Variants in PTPRD observed in about 807,000 individuals in gnomAD.
The protein encoded by PTPRD is receptor-type tyrosine-protein phosphatase delta.
In PTPRD, 34 loss-of-function variants were observed where a neutral mutation model predicts 214.5. The observed-to-expected ratio is 0.16, with a 90% CI of 0.12 to 0.21. The LOEUF (loss-of-function observed/expected upper bound fraction) is 0.21, where lower values mean the gene tolerates loss of function less well. Ranked by LOEUF, PTPRD falls within the 10% of genes least tolerant of loss-of-function variation. PTPRD has a pLI of 1.00. For synonymous variants in PTPRD, 1,128 were observed against 845.7 expected (o/e 1.33, Z -5.79); for missense variants, 2,545 against 2,398.7 (o/e 1.06, Z -1.27).
At chr9:8,320,059 C>T in intron 44 of PTPRD, 93 bp from the exon 45 acceptor site, 5 of 1,451,736 alleles carry the variant, frequency 3.4e-6, no homozygotes, top group East Asian at 2.4e-5. Flanking sequence ...CCAGCTTCCA[C>T]ACTCCGTATC....
chr9:8,825,643 T>C (rs2097160494), intron 11 of PTPRD, among the ~76,000 whole-genome samples: 1 of 152,262 alleles, frequency 6.6e-6, no homozygotes, highest in Admixed American at 6.5e-5. Context: ...CAGTGTAAAG[T>C]GAAAGTAAGT....
chr9:8,708,206 A>G (rs1170457341), intron 12 of PTPRD, among the ~76,000 whole-genome samples: 1 of 152,232 alleles, frequency 6.6e-6, no homozygotes, highest in Non-Finnish European at 1.5e-5. Flanking sequence ...CAAATAGAAC[A>G]TAGAAAAAGT....
intron 5 of PTPRD, among the ~76,000 whole-genome samples, chr9:9,821,929 AATATTTATAT>A (rs577699009): frequency 1.2e-3 from 172 of 148,976 alleles, no homozygotes; most frequent in African/African-American, 3.9e-3. Context: ...ATATATTTAT[AATATTTATAT>A]ATATTTATAT....
At position 8,929,986 on chromosome 9, in the gene PTPRD, G is replaced by T. The variant is rs895796819; in HGVS notation, c.-104+88711C>A. On this transcript the variant is annotated intron_variant, in intron 11 of 45. Transcript: ENST00000381196. ...ATATATAACTATTATTATACTTTAA[G>T]TTCTAGGATACATGTGCACAACGTG... 1.3e-5 allele frequency among the ~76,000 whole-genome samples: 2 copies of T among 150,300 alleles called. 1 individual carries two copies. The highest frequency in any genetic ancestry group is 4.9e-5 in the African/African-American group (2 of 40,744).
intron 11 of PTPRD, among the ~76,000 whole-genome samples, chr9:8,824,668 A>C (rs2097141176): frequency 6.6e-6 from 1 of 152,170 alleles, no homozygotes; most frequent in Non-Finnish European, 1.5e-5. Context: ...CTAAGCTGAT[A>C]CCGGGTTGTC....
At chr9:10,577,455 C>T (rs1160943375) in intron 2 of PTPRD, among the ~76,000 whole-genome samples, 1 of 152,186 alleles carries the variant, frequency 6.6e-6, no homozygotes, top group Non-Finnish European at 1.5e-5. Context: ...AAACCTCCAA[C>T]TGATATTGAC....
At chr9:9,978,187 A>C (rs569953957) in intron 4 of PTPRD, among the ~76,000 whole-genome samples, 1 of 152,160 alleles carries the variant, frequency 6.6e-6, no homozygotes, top group Non-Finnish European at 1.5e-5. Flanking sequence ...CCAACAAAAA[A>C]GAGTGAAAAG....
chr9:9,350,207 T>C (rs1483894739), intron 9 of PTPRD, among the ~76,000 whole-genome samples: 3 of 152,088 alleles, frequency 2.0e-5, no homozygotes, highest in African/African-American at 4.8e-5. Context: ...AAGCAGTTAA[T>C]TTTTGTCATA....
At chr9:9,810,913 T>A (rs1375878798) in intron 5 of PTPRD, among the ~76,000 whole-genome samples, 1 of 151,372 alleles carries the variant, frequency 6.6e-6, no homozygotes, top group East Asian at 1.9e-4. Context: ...ACATTTGTGA[T>A]TCATGGGAGG....
chr9:8,635,043 TTA>T (rs2096385997), intron 13 of PTPRD, among the ~76,000 whole-genome samples: 2 of 148,020 alleles, frequency 1.4e-5, no homozygotes, highest in African/African-American at 4.9e-5. Context: ...TATATATTGT[TTA>T]ATAATATATA....
At chr9:9,651,761 A>G (rs2154373133) in intron 7 of PTPRD, among the ~76,000 whole-genome samples, 1 of 150,132 alleles carries the variant, frequency 6.7e-6, no homozygotes, top group Non-Finnish European at 1.5e-5. Flanking sequence ...TATATCCATT[A>G]ATGGGATTGC....
chr9:9,207,523 A>C (rs1177618029), intron 9 of PTPRD, among the ~76,000 whole-genome samples: 3 of 152,226 alleles, frequency 2.0e-5, no homozygotes, highest in Non-Finnish European at 2.9e-5. Context: ...CAAAACTCCC[A>C]AAATCTGACA....
chr9:8,890,983 A>AT (rs2098534406), intron 11 of PTPRD, among the ~76,000 whole-genome samples: 1 of 152,172 alleles, frequency 6.6e-6, no homozygotes, highest in African/African-American at 2.4e-5. Flanking sequence ...AAGCTTTATC[A>AT]TTTTAAAGTG....
At chr9:8,860,459 G>A (rs1195454830) in intron 11 of PTPRD, 2 of 152,228 alleles carry the variant, frequency 1.3e-5, no homozygotes, top group Non-Finnish European at 2.9e-5. Context: ...AGAGAAAGAA[G>A]TAGGGATGGG....
rs191037121 is a variant in PTPRD at position 8,749,703 on chromosome 9, A to C, written c.-103-15757T>G. 3.6e-4 allele frequency among the ~76,000 whole-genome samples: 55 copies of C among 152,340 alleles called. 1 individual carries two copies. The highest frequency in any genetic ancestry group is 2.6e-4 in the Admixed American group (4 of 15,304). Reference sequence around the variant, plus strand: ...AAGTAGAATAACTTTACACACAAACAGTGTTTGTGCTTTAAAAATGAATTC... The same window carrying C: ...AAGTAGAATAACTTTACACACAAACCGTGTTTGTGCTTTAAAAATGAATTC... On this transcript the variant is annotated intron_variant, in intron 11 of 45. Transcript: ENST00000381196.
chr9:9,214,229 T>C (rs1375635077), intron 9 of PTPRD, among the ~76,000 whole-genome samples: 2 of 152,308 alleles, frequency 1.3e-5, no homozygotes, highest in African/African-American at 2.4e-5. Context: ...TCCCTCTGAG[T>C]GATCAGTGCT....
At chr9:9,335,042 C>T (rs143815886) in intron 9 of PTPRD, among the ~76,000 whole-genome samples, 10 of 152,136 alleles carry the variant, frequency 6.6e-5, no homozygotes, top group African/African-American at 2.4e-4. Context: ...TCTCTATACT[C>T]TTAATATATG....
At position 9,337,142 on chromosome 9, in the gene PTPRD, G is replaced by C. The variant is rs368972347; in HGVS notation, c.-203+60307C>G. On this transcript the variant is annotated intron_variant, in intron 9 of 45. Transcript: ENST00000381196. ...ACCTTGGAAACAGGGAAAGAGGAAT[G>C]CTTTCTGAGAAAGAAACTATGAAGT... 1.5e-4 allele frequency among the ~76,000 whole-genome samples: 23 copies of C among 152,254 alleles called. No individual in the cohort carries two copies. In the East Asian group the frequency reaches 2.5e-3, roughly 17 times the overall value.
intron 11 of PTPRD, among the ~76,000 whole-genome samples, chr9:8,919,289 A>T (rs890392031): frequency 1.3e-5 from 2 of 150,950 alleles, no homozygotes; most frequent in Non-Finnish European, 2.9e-5. Context: ...GTGACTAGGG[A>T]GGCTGAGGCA....
Sources: gnomAD v4.1 joint callset for allele counts (sites outside exome capture counted in the v4.1 genomes callset) on GRCh38, gnomAD v4.1.1 for gene constraint, MANE v1.5 for transcripts, NCBI Gene and HGNC (gene_info 2026-07-23, HGNC 2026-07-21) for gene names.